STAG1: variants seen among roughly 807,000 people sequenced by gnomAD.
STAG1 encodes the protein STAG1 cohesin complex component.
STAG1 carries 26 observed loss-of-function variants against 170.9 expected under a neutral mutation model. The observed-to-expected ratio is 0.15, with a 90% confidence interval of 0.11 to 0.21. STAG1 has a LOEUF of 0.21. Among genes scored for constraint, STAG1 ranks in the 10% least tolerant of loss-of-function variants. The probability of loss-of-function intolerance (pLI) is 1.00; values close to 1 mark genes in which losing one functional copy is unlikely to be tolerated. For missense variants in STAG1, 964 were observed against 1,509.5 expected (o/e 0.64, Z 5.99); for synonymous variants, 514 against 497.7 (o/e 1.03, Z -0.44).
In STAG1 at chr3:136,338,422, G is replaced by C. The variant is rs1220726075; in HGVS notation, c.3701C>G (p.Ala1234Gly). The C allele has an allele frequency of 1.2e-6, 2 of 1,613,936 alleles. No individual in the cohort carries two copies. Among genetic ancestry groups the C allele is most frequent in the Non-Finnish European group, 1.7e-6 (2 of 1,179,882 alleles). The stretch of plus-strand genomic sequence containing the variant: ...GTCAAAGAAGTCTGGCCTTAGCTCA[G>C]CTCTCTCTCGCCGATTTCTTGATGG... Reference protein sequence around the residue: ...LPPSRNRRERAELRPDFFDSA... With the variant: ...LPPSRNRRERGELRPDFFDSA... Residue 1234 changes from alanine (A) to glycine (G), a missense_variant, in exon 33 of 34, where the codon GCT (alanine) becomes GGT (glycine). Coordinates refer to ENST00000383202, the MANE Select transcript of STAG1 (RefSeq NM_005862.3).
chr3:136,449,155 A>G (rs533554148), intron 14 of STAG1, among the ~76,000 whole-genome samples: 1 of 152,232 alleles, frequency 6.6e-6, no homozygotes, highest in East Asian at 1.9e-4. Context: ...TTCACAAAGA[A>G]TATTTCTTGT....
At chr3:136,367,363 C>T (rs1337550627) in intron 24 of STAG1, among the ~76,000 whole-genome samples, 1 of 151,952 alleles carries the variant, frequency 6.6e-6, no homozygotes, top group Non-Finnish European at 1.5e-5. Flanking sequence ...TCTACCCTCC[C>T]TATCTGTGGA....
chr3:136,455,064 T>C (rs911410586), intron 13 of STAG1, among the ~76,000 whole-genome samples: 4 of 152,230 alleles, frequency 2.6e-5, no homozygotes, highest in Admixed American at 6.5e-5. Flanking sequence ...AGTGAAGCTT[T>C]CATTTGCATA....
At chr3:136,513,585 G>A (rs1934187586) in intron 7 of STAG1, among the ~76,000 whole-genome samples, 2 of 151,988 alleles carry the variant, frequency 1.3e-5, no homozygotes, top group South Asian at 4.1e-4. Flanking sequence ...ATCACAACCA[G>A]AAGTCTAAAA....
chr3:136,574,694 T>C (rs951178979), intron 4 of STAG1, among the ~76,000 whole-genome samples: 2 of 152,134 alleles, frequency 1.3e-5, no homozygotes, highest in African/African-American at 4.8e-5. Flanking sequence ...AAAGCAAAGA[T>C]TGAACTAAAA....
At chr3:136,372,889 T>C (rs985892928) in intron 23 of STAG1, among the ~76,000 whole-genome samples, 7 of 152,210 alleles carry the variant, frequency 4.6e-5, no homozygotes, top group Non-Finnish European at 1.0e-4. Context: ...GATTCCCTCT[T>C]TTTCTATTGA....
intron 1 of STAG1, among the ~76,000 whole-genome samples, chr3:136,725,619 G>C (rs1374246360): frequency 6.6e-6 from 1 of 152,162 alleles, no homozygotes; most frequent in Non-Finnish European, 1.5e-5. Flanking sequence ...ATTATGTTTT[G>C]TTACTGAGAC....
chr3:136,713,946 C>T (rs755936086), intron 1 of STAG1, among the ~76,000 whole-genome samples: 9 of 151,942 alleles, frequency 5.9e-5, no homozygotes, highest in East Asian at 1.9e-4. Flanking sequence ...ATCACTGGAA[C>T]CCAGGAGGCA....
At chr3:136,439,624 C>T (rs1482359740) in intron 15 of STAG1, among the ~76,000 whole-genome samples, 1 of 152,122 alleles carries the variant, frequency 6.6e-6, no homozygotes, top group African/African-American at 2.4e-5. Flanking sequence ...TTACTGGTAG[C>T]ATTTTGTTGT....
intron 7 of STAG1, among the ~76,000 whole-genome samples, chr3:136,505,010 C>T (rs1933685028): frequency 6.6e-6 from 1 of 152,010 alleles, no homozygotes; most frequent in African/African-American, 2.4e-5. Context: ...TATTTTTAAA[C>T]CTGTAAAACT....
chr3:136,469,798 T>C (rs1223995968), intron 12 of STAG1, among the ~76,000 whole-genome samples: 1 of 151,876 alleles, frequency 6.6e-6, no homozygotes, highest in Non-Finnish European at 1.5e-5. Context: ...TATAGACCAA[T>C]GGAACAGAAC....
chr3:136,744,995 G>C (rs1295034038), intron 1 of STAG1, among the ~76,000 whole-genome samples: 1 of 152,096 alleles, frequency 6.6e-6, no homozygotes, highest in East Asian at 1.9e-4. Flanking sequence ...ATTCCTAATA[G>C]AAAAGATCAG....
intron 1 of STAG1, among the ~76,000 whole-genome samples, chr3:136,658,683 A>T (rs557833842): frequency 4.6e-5 from 7 of 152,356 alleles, no homozygotes; most frequent in African/African-American, 1.4e-4. Context: ...AGGTGATGTT[A>T]AATTATTGAT....
Position 136,435,037 on chromosome 3 carries a change from G to T in STAG1, c.1547-1378C>A, listed in dbSNP as rs58839068. On this transcript the variant is annotated intron_variant, in intron 15 of 33. Coordinates refer to ENST00000383202, the MANE Select transcript of STAG1 (RefSeq NM_005862.3). ...ATTCTTTAGTTTCACTAATCTATTT[G>T]TATATTTCTATGACAATGCTTTACT... Among the ~76,000 whole-genome samples, 57 of 152,068 alleles carry T rather than the reference G, an allele frequency of 3.7e-4. No individual in the cohort carries two copies. In the East Asian group the frequency reaches 0.011, roughly 29 times the overall value.
At chr3:136,742,587 C>A (rs781181046) in intron 1 of STAG1, among the ~76,000 whole-genome samples, 2 of 151,698 alleles carry the variant, frequency 1.3e-5, no homozygotes, top group African/African-American at 4.8e-5. Context: ...TGGTGGTGTG[C>A]GCCTGTAATC....
intron 12 of STAG1, among the ~76,000 whole-genome samples, chr3:136,468,924 C>T (rs2089547952): frequency 6.6e-6 from 1 of 152,078 alleles, no homozygotes; most frequent in Non-Finnish European, 1.5e-5. Flanking sequence ...AGGCCTTTGA[C>T]AAAATTCAAC....
intron 14 of STAG1, among the ~76,000 whole-genome samples, chr3:136,447,416 C>A (rs560295434): frequency 1.3e-5 from 2 of 151,798 alleles, no homozygotes; most frequent in South Asian, 2.1e-4. Flanking sequence ...GTGCAGTGAG[C>A]TAAGATTCTG....
At chr3:136,682,300 C>T (rs376710990) in intron 1 of STAG1, among the ~76,000 whole-genome samples, 49 of 151,858 alleles carry the variant, frequency 3.2e-4, no homozygotes, top group African/African-American at 9.2e-4. Context: ...TGGTGGGTGT[C>T]TGTAATCCCA....
chr3:136,742,240 C>T (rs1934705820), intron 1 of STAG1, among the ~76,000 whole-genome samples: 1 of 152,114 alleles, frequency 6.6e-6, no homozygotes, highest in African/African-American at 2.4e-5. Context: ...ATACTACACC[C>T]AACAACTGCA....
Sources: gnomAD v4.1 joint callset for allele counts (sites outside exome capture counted in the v4.1 genomes callset) on GRCh38, gnomAD v4.1.1 for gene constraint, MANE v1.5 for transcripts, NCBI Gene and HGNC (gene_info 2026-07-23, HGNC 2026-07-21) for gene names.